The following STX8 variants were observed in gnomAD, a reference collection of about 807,000 sequenced individuals.
STX8 encodes the protein syntaxin 8.
In STX8, 23 loss-of-function variants were observed where a neutral mutation model predicts 37.5. The observed-to-expected ratio is 0.61, with a 90% CI of 0.44 to 0.87. The LOEUF is 0.87. STX8 is among the 40% of genes least tolerant of loss of function. The probability of loss-of-function intolerance (pLI) is 0.00; values close to 1 mark genes in which losing one functional copy is unlikely to be tolerated. For synonymous variants in STX8, 115 were observed against 99.1 expected, an observed-to-expected ratio of 1.16 and a Z score of -0.95; for missense variants, 313 against 284.7, an observed-to-expected ratio of 1.10 and a Z score of -0.71.
At chr17:9,536,454 G>T (rs1049220814) in intron 4 of STX8, among the ~76,000 whole-genome samples, 1 of 152,110 alleles carries the variant, frequency 6.6e-6, no homozygotes, top group Admixed American at 6.5e-5. Flanking sequence ...TTTGAGCAGG[G>T]TAATCTGTTA....
chr17:9,418,509 GT>G, intron 6 of STX8, among the ~76,000 whole-genome samples: 1 of 122,806 alleles, frequency 8.1e-6, no homozygotes, highest in East Asian at 2.6e-4. Context: ...TGTTCTTTCC[GT>G]TTTTCTAAAA....
chr17:9,296,500 C>CAAAAAAA (rs55811417), intron 7 of STX8, among the ~76,000 whole-genome samples: 6 of 123,214 alleles, frequency 4.9e-5, no homozygotes, highest in African/African-American at 1.5e-4. Flanking sequence ...CTCCATCTCT[C>CAAAAAAA]AAAAAAAAAA....
chr17:9,497,559 C>A (rs566878535), intron 5 of STX8, among the ~76,000 whole-genome samples: 1 of 152,204 alleles, frequency 6.6e-6, no homozygotes, highest in East Asian at 1.9e-4. Context: ...ATCACTGAGG[C>A]TGGAGGATGA....
chr17:9,564,348 AAAAG>A (rs1003769488), intron 2 of STX8, among the ~76,000 whole-genome samples: 3 of 152,002 alleles, frequency 2.0e-5, no homozygotes, highest in Non-Finnish European at 2.9e-5. Flanking sequence ...GAAAAGAAAG[AAAAG>A]AAAGAGAGAG....
chr17:9,253,207 GGTGTGTGTGTGT>G (rs36048368), intron 7 of STX8, among the ~76,000 whole-genome samples: 41 of 141,026 alleles, frequency 2.9e-4, no homozygotes, highest in African/African-American at 5.8e-4. Flanking sequence ...CAGGGGTAGG[GGTGTGTGTGTGT>G]GTGTGTGTGT....
intron 6 of STX8, among the ~76,000 whole-genome samples, chr17:9,395,359 T>C (rs1003864176): frequency 6.6e-6 from 1 of 152,122 alleles, no homozygotes; most frequent in African/African-American, 2.4e-5. Flanking sequence ...CCCAGCACTT[T>C]GGGAAGCTGA....
At chr17:9,300,161 G>C (rs550720301) in intron 7 of STX8, among the ~76,000 whole-genome samples, 2 of 151,914 alleles carry the variant, frequency 1.3e-5, no homozygotes, top group South Asian at 2.1e-4. Flanking sequence ...GTGAAACCTC[G>C]TCTCTACTGA....
At chr17:9,288,894 T>C (rs1040340973) in intron 7 of STX8, among the ~76,000 whole-genome samples, 1 of 151,972 alleles carries the variant, frequency 6.6e-6, no homozygotes, top group Non-Finnish European at 1.5e-5. Context: ...TATAAGAAAA[T>C]GTTTTGAGAA....
rs11317325 is a variant in STX8, at chr17:9,373,107, CAA to C, written c.643+5443_643+5444del. On this transcript the variant is annotated intron_variant, in intron 7 of 7. Transcript: ENST00000306357. ...AAACAAGAGCAAGAAGACTCCATCT[CAA>C]AAAAAAAAAAAGAAAAGAAAAGAAA... 1.8e-3 allele frequency among the ~76,000 whole-genome samples: 168 copies of C among 95,980 alleles called. 1 individual carries two copies. Among genetic ancestry groups the C allele is most frequent in the African/African-American group, 4.9e-3 (156 of 31,720 alleles). 63.0% of individuals were successfully genotyped at this position (95,980 alleles called of 152,430 possible).
intron 4 of STX8, among the ~76,000 whole-genome samples, chr17:9,511,711 C>G (rs148654280): frequency 4.2e-4 from 64 of 152,044 alleles, no homozygotes; most frequent in African/African-American, 1.5e-3. Context: ...CACTCTTACT[C>G]AACACAGTAC....
At chr17:9,307,840 G>A (rs1909054733) in intron 7 of STX8, among the ~76,000 whole-genome samples, 1 of 151,942 alleles carries the variant, frequency 6.6e-6, no homozygotes, top group Non-Finnish European at 1.5e-5. Flanking sequence ...CCTCTTCCCA[G>A]AGGCTGGTCT....
intron 6 of STX8, among the ~76,000 whole-genome samples, chr17:9,434,122 G>A (rs542972276): frequency 1.3e-5 from 2 of 152,252 alleles, no homozygotes; most frequent in South Asian, 4.2e-4. Flanking sequence ...TCCTGCCTCA[G>A]CCTCCTGAGT....
intron 6 of STX8, among the ~76,000 whole-genome samples, chr17:9,442,880 C>T (rs1904717956): frequency 6.6e-6 from 1 of 152,108 alleles, no homozygotes; most frequent in East Asian, 1.9e-4. Flanking sequence ...GAGATATCCT[C>T]TTGGGACTCA....
At chr17:9,430,929 G>A (rs1373564146) in intron 6 of STX8, among the ~76,000 whole-genome samples, 6 of 152,110 alleles carry the variant, frequency 3.9e-5, no homozygotes, top group Admixed American at 3.9e-4. Context: ...GATTACAGGC[G>A]TGAGCCACTG....
chr17:9,503,834 G>A (rs1398342347), intron 5 of STX8, among the ~76,000 whole-genome samples: 1 of 151,894 alleles, frequency 6.6e-6, no homozygotes, highest in Non-Finnish European at 1.5e-5. Flanking sequence ...ATGCTATATC[G>A]GCTCACTGCA....
chr17:9,494,257 C>T (rs1906994084), intron 5 of STX8, among the ~76,000 whole-genome samples: 2 of 151,524 alleles, frequency 1.3e-5, no homozygotes, highest in South Asian at 2.1e-4. Context: ...CCTCGTGATC[C>T]GCCCGCCTCG....
intron 6 of STX8, among the ~76,000 whole-genome samples, chr17:9,450,231 A>G (rs1437580904): frequency 6.6e-6 from 1 of 151,400 alleles, no homozygotes; most frequent in East Asian, 1.9e-4. Flanking sequence ...ATGCGCCACC[A>G]CGCCCGGCTA....
intron 7 of STX8, among the ~76,000 whole-genome samples, chr17:9,291,461 G>T (rs1355003506): frequency 2.9e-5 from 4 of 139,968 alleles, no homozygotes; most frequent in African/African-American, 1.0e-4. Context: ...AAAAAAAAAA[G>T]TATGTTTCTT....
At chr17:9,445,534 G>C (rs1285915803) in intron 6 of STX8, among the ~76,000 whole-genome samples, 1 of 147,870 alleles carries the variant, frequency 6.8e-6, no homozygotes, top group Non-Finnish European at 1.5e-5. Flanking sequence ...TGGGGGTGAG[G>C]GCTCACGGAA....
Sources: gnomAD v4.1 joint callset for allele counts (sites outside exome capture counted in the v4.1 genomes callset) on GRCh38, gnomAD v4.1.1 for gene constraint, MANE v1.5 for transcripts, NCBI Gene and HGNC (gene_info 2026-07-23, HGNC 2026-07-21) for gene names.